PIK3C2G: variants seen among roughly 807,000 people sequenced by gnomAD.
PIK3C2G encodes phosphatidylinositol-4-phosphate 3-kinase catalytic subunit type 2 gamma.
PIK3C2G carries 168 observed loss-of-function variants against 181.1 expected under a neutral mutation model. The observed-to-expected ratio is 0.93, with a 90% CI of 0.82 to 1.05. The LOEUF (loss-of-function observed/expected upper bound fraction) is 1.05, where lower values mean the gene tolerates loss of function less well. Ranked by LOEUF, PIK3C2G falls within the 50% of genes least tolerant of loss-of-function variation. PIK3C2G has a pLI of 0.00. For synonymous variants in PIK3C2G, 573 were observed against 592.2 expected, an observed-to-expected ratio of 0.97 and a Z score of 0.47; for missense variants, 1,869 against 1,732.8, an observed-to-expected ratio of 1.08 and a Z score of -1.40.
At chr12:18,433,989 C>G (rs895388454) in intron 18 of PIK3C2G, among the ~76,000 whole-genome samples, 1 of 152,134 alleles carries the variant, frequency 6.6e-6, no homozygotes, top group Non-Finnish European at 1.5e-5. Context: ...ATTCCCTATC[C>G]TCATCCATTG....
the PIK3C2G span, chr12:18,713,094 T>C: frequency 6.1e-4 from 859 of 1,409,472 alleles, 5 homozygotes; most frequent in African/African-American, 0.011. Context: ...AATGCATAAA[T>C]GAGTCCATAA....
At chr12:18,423,679 A>G (rs1945618537) in intron 17 of PIK3C2G, among the ~76,000 whole-genome samples, 1 of 152,162 alleles carries the variant, frequency 6.6e-6, no homozygotes. Flanking sequence ...CCCCTGGTAC[A>G]TGGTTGAACT....
intron 24 of PIK3C2G, among the ~76,000 whole-genome samples, chr12:18,505,998 A>G (rs1460499590): frequency 6.6e-6 from 1 of 152,208 alleles, no homozygotes; most frequent in African/African-American, 2.4e-5. Context: ...TTTACAAGCT[A>G]AGAAATGACT....
chr12:18,617,968 C>A (rs1223102440), intron 31 of PIK3C2G, among the ~76,000 whole-genome samples: 1 of 152,154 alleles, frequency 6.6e-6, no homozygotes, highest in African/African-American at 2.4e-5. Flanking sequence ...CCCATCCCAC[C>A]TACTGATTAC....
chr12:18,476,494 G>A (rs1939009278), intron 18 of PIK3C2G, among the ~76,000 whole-genome samples: 1 of 152,054 alleles, frequency 6.6e-6, no homozygotes, highest in Non-Finnish European at 1.5e-5. Context: ...ATTAGACTAA[G>A]TAAAAAAGGA....
intron 9 of PIK3C2G, among the ~76,000 whole-genome samples, chr12:18,340,394 T>G (rs1203095475): frequency 3.3e-5 from 5 of 152,180 alleles, no homozygotes; most frequent in African/African-American, 1.2e-4. Flanking sequence ...AGGCCGCAGG[T>G]TGGACAAGCT....
chr12:18,536,053 T>A (rs1352845649), intron 24 of PIK3C2G, among the ~76,000 whole-genome samples: 1 of 152,084 alleles, frequency 6.6e-6, no homozygotes, highest in Non-Finnish European at 1.5e-5. Context: ...GGCACATGTA[T>A]ACATATGTAA....
At chr12:18,721,861 A>G in the PIK3C2G span, among the ~76,000 whole-genome samples, 5 of 152,140 alleles carry the variant, frequency 3.3e-5, no homozygotes, top group East Asian at 1.9e-4. Context: ...ACTCAACTCA[A>G]TGACACCACT....
intron 24 of PIK3C2G, among the ~76,000 whole-genome samples, chr12:18,518,625 T>C (rs1250861726): frequency 6.6e-6 from 1 of 152,176 alleles, no homozygotes; most frequent in East Asian, 1.9e-4. Flanking sequence ...CCTTCTCTCT[T>C]TTCTTCTTTA....
At chr12:18,629,699 A>G (rs1949264740) in intron 31 of PIK3C2G, among the ~76,000 whole-genome samples, 1 of 152,152 alleles carries the variant, frequency 6.6e-6, no homozygotes, top group South Asian at 2.1e-4. Flanking sequence ...AGACTTTGAC[A>G]TGATTACTCC....
intron 31 of PIK3C2G, among the ~76,000 whole-genome samples, chr12:18,624,551 T>C (rs187024178): frequency 1.3e-5 from 2 of 151,796 alleles, no homozygotes; most frequent in East Asian, 3.9e-4. Context: ...GCTGGTCTTG[T>C]AAAAAGAGTT....
At chr12:18,531,951 C>T (rs1943578509) in intron 24 of PIK3C2G, among the ~76,000 whole-genome samples, 1 of 150,742 alleles carries the variant, frequency 6.6e-6, no homozygotes, top group Non-Finnish European at 1.5e-5. Flanking sequence ...AAGAAACTGC[C>T]AAGTGATTTT....
intron 11 of PIK3C2G, among the ~76,000 whole-genome samples, chr12:18,360,280 T>A (rs1404426472): frequency 6.6e-6 from 1 of 152,166 alleles, no homozygotes; most frequent in East Asian, 1.9e-4. Context: ...CTTCTATTTC[T>A]CCTCCCACCA....
At chr12:18,486,637 G>A (rs1940068079) in intron 18 of PIK3C2G, among the ~76,000 whole-genome samples, 1 of 151,410 alleles carries the variant, frequency 6.6e-6, no homozygotes, top group South Asian at 2.1e-4. Flanking sequence ...TTATATTTAT[G>A]TACTAGATCA....
At chr12:18,272,101 T>G (rs745421430) in intron 1 of PIK3C2G, among the ~76,000 whole-genome samples, 11 of 152,214 alleles carry the variant, frequency 7.2e-5, no homozygotes, top group Non-Finnish European at 1.5e-4. Context: ...TTCAAGCAAG[T>G]GTTTATTCCT....
intron 25 of PIK3C2G, among the ~76,000 whole-genome samples, chr12:18,544,215 C>A (rs1291107039): frequency 6.6e-6 from 1 of 151,762 alleles, no homozygotes; most frequent in Non-Finnish European, 1.5e-5. Context: ...ACCAAGTGTG[C>A]CCAGTCTGTG....
chr12:18,496,932 A>G (rs757022408), intron 21 of PIK3C2G, among the ~76,000 whole-genome samples: 4 of 152,188 alleles, frequency 2.6e-5, no homozygotes, highest in Non-Finnish European at 4.4e-5. Context: ...TTATCTTGGC[A>G]GGATTTTCCG....
Position 18,536,439 on chromosome 12 carries a change from C to T in PIK3C2G, c.3324-1717C>T, listed in dbSNP as rs975705307. On this transcript the variant is annotated intron_variant, in intron 24 of 32. Coordinates refer to ENST00000538779, the MANE Select transcript of PIK3C2G (RefSeq NM_001288772.2). ...TTTTACAAAGAAGGAGATTAGAGAA[C>T]GGAGAGATTAAGTCACCCAGAGTCA... Among the ~76,000 whole-genome samples, 20 of 152,164 alleles carry T rather than the reference C, an allele frequency of 1.3e-4. 1 individual carries two copies. Among genetic ancestry groups the T allele is most frequent in the African/African-American group, 4.1e-4 (17 of 41,524 alleles).
chr12:18,458,478 G>A (rs894824579), intron 18 of PIK3C2G, among the ~76,000 whole-genome samples: 2 of 152,076 alleles, frequency 1.3e-5, no homozygotes, highest in Non-Finnish European at 2.9e-5. Context: ...AAATAATTCA[G>A]TGTCCTAAAT....
Sources: gnomAD v4.1 joint callset for allele counts (sites outside exome capture counted in the v4.1 genomes callset) on GRCh38, gnomAD v4.1.1 for gene constraint, MANE v1.5 for transcripts, NCBI Gene and HGNC (gene_info 2026-07-23, HGNC 2026-07-21) for gene names.